ROR1: variants seen among roughly 807,000 people sequenced by gnomAD.
ROR1 encodes the protein inactive tyrosine-protein kinase transmembrane receptor ROR1.
A neutral mutation model predicts 78.8 loss-of-function variants in ROR1; 19 were observed. The observed-to-expected ratio is 0.24, with a 90% CI of 0.17 to 0.35. The LOEUF is 0.35. Ranked by LOEUF, ROR1 falls within the 10% of genes least tolerant of loss-of-function variation. The probability of loss-of-function intolerance (pLI) is 1.00; values close to 1 mark genes in which losing one functional copy is unlikely to be tolerated. For missense variants in ROR1, 917 were observed against 1,177.8 expected, an observed-to-expected ratio of 0.78 and a Z score of 3.24; for synonymous variants, 386 against 433.6, an observed-to-expected ratio of 0.89 and a Z score of 1.36.
Position 64,091,235 on chromosome 1 carries a change from C to T in ROR1, c.482+40519C>T, listed in dbSNP as rs187550521. On this transcript the variant is annotated intron_variant, in intron 4 of 8. Transcript: ENST00000371079. ...GTGTTTCCTCCATACCCCGGCCAGTCACAGTTTAGCATCATGGGATAAGTG... is the reference window on the plus strand; with the variant it reads ...GTGTTTCCTCCATACCCCGGCCAGTTACAGTTTAGCATCATGGGATAAGTG... Among the ~76,000 whole-genome samples the T allele has an allele frequency of 1.8e-4, 27 of 152,170 alleles. No individual in the cohort carries two copies. The East Asian group carries it at 5.2e-3, about 29-fold the overall frequency.
chr1:63,844,542 A>G (rs1645068938), intron 1 of ROR1, among the ~76,000 whole-genome samples: 1 of 152,222 alleles, frequency 6.6e-6, no homozygotes, highest in Non-Finnish European at 1.5e-5. Context: ...GAATGAATAC[A>G]TGAAAGAATA....
intron 1 of ROR1, among the ~76,000 whole-genome samples, chr1:63,839,623 T>C (rs1645037952): frequency 6.6e-6 from 1 of 152,164 alleles, no homozygotes; most frequent in African/African-American, 2.4e-5. Flanking sequence ...GCTCATATTA[T>C]AAACACACAA....
At chr1:64,064,436 A>T (rs1414477650) in intron 4 of ROR1, among the ~76,000 whole-genome samples, 1 of 152,226 alleles carries the variant, frequency 6.6e-6, no homozygotes, top group Non-Finnish European at 1.5e-5. Flanking sequence ...GAATGCTGCA[A>T]GAAACTATAT....
At chr1:63,875,416 A>G (rs1316503557) in intron 1 of ROR1, among the ~76,000 whole-genome samples, 1 of 152,138 alleles carries the variant, frequency 6.6e-6, no homozygotes, top group Non-Finnish European at 1.5e-5. Flanking sequence ...GGGGGAAATT[A>G]CTTTGCCTTT....
chr1:63,812,510 CTGAA>C (rs759862034), intron 1 of ROR1, among the ~76,000 whole-genome samples: 122 of 152,006 alleles, frequency 8.0e-4, no homozygotes, highest in Non-Finnish European at 1.4e-3. Flanking sequence ...TAAGTTTTGA[CTGAA>C]TGAATGAATG....
chr1:64,137,662 A>G (rs1413550234), intron 5 of ROR1, among the ~76,000 whole-genome samples, 166 bp downstream of exon 5: 1 of 152,238 alleles, frequency 6.6e-6, no homozygotes, highest in Non-Finnish European at 1.5e-5. Flanking sequence ...AATTTACATT[A>G]AAGTAATTTA....
At chr1:63,813,536 T>C (rs1644872889) in intron 1 of ROR1, among the ~76,000 whole-genome samples, 1 of 152,230 alleles carries the variant, frequency 6.6e-6, no homozygotes, top group African/African-American at 2.4e-5. Context: ...GCCCACTTCT[T>C]TGTACCCCTT....
At chr1:63,957,154 C>G (rs1645989736) in intron 1 of ROR1, among the ~76,000 whole-genome samples, 2 of 152,186 alleles carry the variant, frequency 1.3e-5, no homozygotes, top group African/African-American at 4.8e-5. Context: ...ATGTAGCAAA[C>G]ATCTCCTATC....
At chr1:64,085,775 GT>G (rs145142635) in intron 4 of ROR1, among the ~76,000 whole-genome samples, 2,001 of 151,650 alleles carry the variant, frequency 0.013, 41 homozygotes, top group African/African-American at 0.046. Context: ...ATTATTATTA[GT>G]TTTTTTTTAA....
At chr1:63,975,964 G>A (rs1646156767) in intron 1 of ROR1, among the ~76,000 whole-genome samples, 1 of 152,144 alleles carries the variant, frequency 6.6e-6, no homozygotes, top group Admixed American at 6.6e-5. Context: ...AAGTATTTTT[G>A]ATCATTCACT....
chr1:64,085,375 C>T (rs1003017848), intron 4 of ROR1, among the ~76,000 whole-genome samples: 5 of 152,090 alleles, frequency 3.3e-5, no homozygotes, highest in Non-Finnish European at 7.4e-5. Context: ...ATGGAACCCA[C>T]TGAGGGGCTT....
intron 4 of ROR1, among the ~76,000 whole-genome samples, chr1:64,081,434 A>G (rs1160835802): frequency 6.6e-6 from 1 of 152,220 alleles, no homozygotes; most frequent in Non-Finnish European, 1.5e-5. Flanking sequence ...AAAATAATAT[A>G]CATGAAGAGT....
chr1:63,945,929 C>T (rs886112287), intron 1 of ROR1, among the ~76,000 whole-genome samples: 1 of 152,158 alleles, frequency 6.6e-6, no homozygotes, highest in African/African-American at 2.4e-5. Flanking sequence ...ACTGGGGAGC[C>T]CCCAGGCCAG....
chr1:63,997,299 T>C (rs1434108734), intron 1 of ROR1, among the ~76,000 whole-genome samples: 1 of 152,224 alleles, frequency 6.6e-6, no homozygotes, highest in African/African-American at 2.4e-5. Flanking sequence ...AAGACAATAC[T>C]ACACACTGCT....
In ROR1 at chr1:63,800,503, A is replaced by G. The variant is rs998016186; in HGVS notation, c.91+25995A>G. On this transcript the variant is annotated intron_variant, in intron 1 of 8. Transcript: ENST00000371079. ...GTTGGCCCTTTCCTGGGTGTAGGAA[A>G]CTGCTGAGGACTAGGAGCTGGGGAG... Among the ~76,000 whole-genome samples, 11 of 152,070 alleles carry G rather than the reference A, an allele frequency of 7.2e-5. No individual in the cohort carries two copies. The East Asian group carries it at 1.9e-3, about 27-fold the overall frequency.
chr1:64,095,822 C>T (rs1055326482), intron 4 of ROR1, among the ~76,000 whole-genome samples: 16 of 152,094 alleles, frequency 1.1e-4, no homozygotes, highest in African/African-American at 3.1e-4. Context: ...GGAAGAGTAT[C>T]TAGTTCAAAC....
chr1:64,055,757 C>A (rs149084578), intron 4 of ROR1, among the ~76,000 whole-genome samples: 1 of 152,080 alleles, frequency 6.6e-6, no homozygotes, highest in Non-Finnish European at 1.5e-5. Context: ...TTAAAGTGTG[C>A]GACTCAGTCT....
chr1:64,064,574 T>C (rs1052135724), intron 4 of ROR1, among the ~76,000 whole-genome samples: 15 of 152,318 alleles, frequency 9.8e-5, no homozygotes, highest in African/African-American at 3.1e-4. Flanking sequence ...ATACCCCAGA[T>C]TGATTTCCAT....
chr1:63,783,926 A>T (rs981865327), intron 1 of ROR1, among the ~76,000 whole-genome samples: 2 of 152,192 alleles, frequency 1.3e-5, no homozygotes, highest in African/African-American at 4.8e-5. Context: ...GAAGTAAGTA[A>T]CCTGCCCAAG....
Sources: allele counts gnomAD v4.1 joint callset (sites outside exome capture counted in the v4.1 genomes callset), GRCh38; gene constraint gnomAD v4.1.1; transcripts MANE v1.5; gene names NCBI Gene and HGNC (gene_info 2026-07-23, HGNC 2026-07-21).